FGD4: variants seen among roughly 807,000 people sequenced by gnomAD.
The protein encoded by FGD4 is FYVE, RhoGEF and PH domain containing 4, also known as FYVE, RhoGEF and PH domain-containing protein 4.
Under a neutral mutation model 102.0 loss-of-function variants are expected in FGD4, and 42 were observed. The ratio of observed to expected loss-of-function variants is 0.41; its 90% CI spans 0.32 to 0.53. FGD4 has a LOEUF of 0.53. Among genes scored for constraint, FGD4 ranks in the 20% least tolerant of loss-of-function variants. The pLI, the probability that FGD4 is intolerant of heterozygous loss-of-function variation, is 0.21. For synonymous variants in FGD4, 380 were observed against 375.7 expected (o/e 1.01, Z -0.13); for missense variants, 902 against 1,078.2 (o/e 0.84, Z 2.29).
chr12:32,501,380 C>A (rs1020768403), intron 1 of FGD4, among the ~76,000 whole-genome samples: 1 of 152,152 alleles, frequency 6.6e-6, no homozygotes, highest in African/African-American at 2.4e-5. Context: ...CCAATTTTAT[C>A]TTCCAAGGAC....
intron 1 of FGD4, among the ~76,000 whole-genome samples, chr12:32,460,130 AT>A (rs797002242): frequency 1.5e-4 from 23 of 152,306 alleles, no homozygotes; most frequent in African/African-American, 5.1e-4. Context: ...TTTACCTGAC[AT>A]TTTATCATGC....
intron 1 of FGD4, among the ~76,000 whole-genome samples, chr12:32,471,014 C>G (rs543531084): frequency 7.9e-5 from 12 of 152,154 alleles, no homozygotes; most frequent in Admixed American, 1.3e-4. Context: ...ATGGCTTAGA[C>G]CCTGTGATGG....
chr12:32,399,854 T>A lies in FGD4; in HGVS notation c.61T>A (p.Ser21Thr), dbSNP rs1940573670. 2 of 1,531,092 alleles carry A rather than the reference T, an allele frequency of 1.3e-6. No individual in the cohort carries two copies. The highest frequency in any genetic ancestry group is 8.7e-7 in the Non-Finnish European group (1 of 1,145,156). 94.8% of individuals were successfully genotyped at this position (1,531,092 alleles called of 1,614,324 possible). ...RVAIRRKSNP[S>T]YLPPGVPRPW... is the part of the protein sequence containing the mutation. ...GGCGATCCGGCGGAAGTCCAACCCC[T>A]CCTACCTGCCGCCCGGGGTGCCCCG... Residue 21 changes from serine (S) to threonine (T), a missense_variant, in exon 1 of 17, where the codon TCC (serine) becomes ACC (threonine). This residue lies in a region of FGD4 where 443 missense variants were observed against 459.2 expected (regional missense o/e 0.96). Coordinates refer to ENST00000534526, the MANE Select transcript of FGD4 (RefSeq NM_001370298.3).
chr12:32,636,636 A>G (rs1950833453), intron 15 of FGD4, among the ~76,000 whole-genome samples: 1 of 152,052 alleles, frequency 6.6e-6, no homozygotes, highest in African/African-American at 2.4e-5. Flanking sequence ...CTTGGTTATC[A>G]TCACAAATTC....
chr12:32,453,220 A>ATAT (rs1391496111), intron 1 of FGD4, among the ~76,000 whole-genome samples: 2 of 52,786 alleles, frequency 3.8e-5, no homozygotes, highest in Non-Finnish European at 7.3e-5. Flanking sequence ...ATATATATAT[A>ATAT]ATATAGATAT....
chr12:32,620,266 A>G (rs916737861), intron 11 of FGD4, among the ~76,000 whole-genome samples: 8 of 152,144 alleles, frequency 5.3e-5, no homozygotes, highest in Non-Finnish European at 1.0e-4. Context: ...TGAGTCTTTC[A>G]GATACTCTAC....
intron 10 of FGD4, among the ~76,000 whole-genome samples, chr12:32,614,389 A>G (rs898917133): frequency 6.6e-6 from 1 of 152,218 alleles, no homozygotes; most frequent in Non-Finnish European, 1.5e-5. Flanking sequence ...TGGTCCAGTC[A>G]AAGCAAAAGA....
intron 15 of FGD4, 113 bp downstream of exon 15, chr12:32,633,802 G>C: frequency 1.0e-6 from 1 of 972,900 alleles, no homozygotes. Context: ...TGCAACCTCA[G>C]CCTCCCAAGT....
chr12:32,623,402 G>A (rs1592446091), intron 11 of FGD4, among the ~76,000 whole-genome samples: 1 of 152,056 alleles, frequency 6.6e-6, no homozygotes, highest in African/African-American at 2.4e-5. Flanking sequence ...GCCCCCAGGT[G>A]AACAATAAGC....
At chr12:32,442,423 GCTTACCTGA>G (rs1448326909) in intron 1 of FGD4, among the ~76,000 whole-genome samples, 1 of 152,054 alleles carries the variant, frequency 6.6e-6, no homozygotes. Flanking sequence ...TACTGTGAGT[GCTTACCTGA>G]CTTTTGGTTC....
chr12:32,575,563 A>G (rs924955767), intron 2 of FGD4, among the ~76,000 whole-genome samples: 5 of 152,188 alleles, frequency 3.3e-5, no homozygotes, highest in African/African-American at 1.2e-4. Context: ...TGGGGACCAG[A>G]TTTCAACATG....
intron 4 of FGD4, among the ~76,000 whole-genome samples, chr12:32,591,108 T>C (rs1421744775): frequency 1.3e-5 from 2 of 152,180 alleles, no homozygotes; most frequent in Admixed American, 1.3e-4. Flanking sequence ...TACCAGAGAA[T>C]GGGCTTTAGG....
Position 32,619,756 on chromosome 12 carries a change from C to T in FGD4, c.1808C>T (p.Thr603Ile). The change falls in exon 11 of 17, where the codon ACA (threonine) becomes ATA (isoleucine). Residue 603 changes from threonine to isoleucine, a missense_variant. Thr to Ile is a moderately conservative substitution (Grantham distance 89). This residue lies in a region of FGD4 where 459 missense variants were observed against 619.0 expected (regional missense o/e 0.74). Coordinates refer to ENST00000534526, the MANE Select transcript of FGD4 (RefSeq NM_001370298.3). ...TTCAGCTTGGTAGGCTCTAAATTCA[C>T]AGTTCGAACCAGGGTTGGCATTGAT... ...PKFSLVGSKF[T>I]VRTRVGIDGM... 6.2e-7 allele frequency: 1 copy of T among 1,614,100 alleles called. No individual in the cohort carries two copies. The highest frequency in any genetic ancestry group is 8.5e-7 in the Non-Finnish European group (1 of 1,180,034).
rs1592525309 is a variant in FGD4, at chr12:32,644,255, G to C, written c.*3722G>C. The C allele has an allele frequency of 6.6e-6, 1 of 152,058 alleles. No homozygotes were observed. The highest frequency in any genetic ancestry group is 1.9e-4 in the East Asian group (1 of 5,180). 9.4% of individuals were successfully genotyped at this position (152,058 alleles called of 1,614,324 possible). ...ATTGACATCTGTAGTGGATCATGTT[G>C]CTTCTTCATTCTTACCAATTTTATT... On this transcript the variant is annotated 3_prime_UTR_variant, in exon 17 of 17. Coordinates refer to ENST00000534526, the MANE Select transcript of FGD4 (RefSeq NM_001370298.3).
intron 1 of FGD4, among the ~76,000 whole-genome samples, chr12:32,536,907 CT>C (rs1278422968): frequency 6.6e-6 from 1 of 151,464 alleles, no homozygotes; most frequent in Non-Finnish European, 1.5e-5. Context: ...GCAGTTATTT[CT>C]TTTTTTTCTC....
Position 32,564,270 on chromosome 12 carries a change from T to A in FGD4, c.300T>A (p.Ala100=), listed in dbSNP as rs1354988039. The change falls in exon 2 of 17, where the codon GCT becomes GCA. Residue 100 remains alanine, a synonymous_variant. Coordinates refer to ENST00000534526, the MANE Select transcript of FGD4 (RefSeq NM_001370298.3). ...GGAACAGGCCAGCAAAACACTCAGC[T>A]GCAAGTCCAAAGCCACAAGGTATGC... The part of the protein sequence containing the change: ...INGNRPAKHS[A]ASPKPQVPPK... 67 of 1,535,916 alleles carry A rather than the reference T, an allele frequency of 4.4e-5. No homozygotes were observed. The highest frequency in any genetic ancestry group is 5.8e-5 in the Non-Finnish European group (66 of 1,146,882).
chr12:32,630,435 G>A (rs1336791876), intron 14 of FGD4, among the ~76,000 whole-genome samples: 6 of 152,130 alleles, frequency 3.9e-5, no homozygotes, highest in South Asian at 2.1e-4. Flanking sequence ...CAGCACTTTC[G>A]GAGGGAGGTT....
chr12:32,485,997 C>T lies in FGD4; in HGVS notation c.167-78140C>T, dbSNP rs531866489. 7.9e-5 allele frequency: 110 copies of T among 1,383,868 alleles called. No individual in the cohort carries two copies. In the African/African-American group the frequency reaches 1.4e-3, roughly 18 times the overall value. 85.7% of individuals were successfully genotyped at this position (1,383,868 alleles called of 1,614,324 possible). A position where few individuals can be genotyped will look rare whatever the true frequency, so the allele number is the denominator to read the frequency against. On this transcript the variant is annotated intron_variant, in intron 1 of 16. Transcript: ENST00000534526. ...AGTTAGTTCTTTATCATGTTGAACA[C>T]TAGATGTGTATGTGTCTAGTGTCTA... is the stretch of plus-strand genomic sequence containing the variant.
chr12:32,444,110 G>C (rs559819155), intron 1 of FGD4, among the ~76,000 whole-genome samples: 4 of 145,782 alleles, frequency 2.7e-5, no homozygotes, highest in Non-Finnish European at 6.0e-5. Context: ...CTGCAGTCTC[G>C]ACCTCCCAGG....
Sources: gnomAD v4.1 joint callset for allele counts (sites outside exome capture counted in the v4.1 genomes callset) on GRCh38, gnomAD v4.1.1 for gene constraint, gnomAD v4.1.1 regional missense constraint, MANE v1.5 for transcripts, NCBI Gene and HGNC (gene_info 2026-07-23, HGNC 2026-07-21) for gene names.